Variants in PLXNA4 observed in about 807,000 individuals in gnomAD.
PLXNA4 encodes plexin-A4.
A neutral mutation model predicts 191.8 loss-of-function variants in PLXNA4; 44 were observed. The observed-to-expected ratio is 0.23, with a 90% confidence interval of 0.18 to 0.29. PLXNA4 has a LOEUF of 0.29. Among genes scored for constraint, PLXNA4 ranks in the 10% least tolerant of loss-of-function variants. The probability of loss-of-function intolerance (pLI) is 1.00; values close to 1 mark genes in which losing one functional copy is unlikely to be tolerated. For missense variants in PLXNA4, 1,800 were observed against 2,488.8 expected, an observed-to-expected ratio of 0.72 and a Z score of 5.89; for synonymous variants, 1,082 against 1,009.5, an observed-to-expected ratio of 1.07 and a Z score of -1.36.
At position 132,637,238 on chromosome 7, in the gene PLXNA4, C is replaced by G. The variant is rs188441784; in HGVS notation, c.-87+8690G>C. 1.4e-4 allele frequency among the ~76,000 whole-genome samples: 21 copies of G among 152,302 alleles called. 1 individual carries two copies. The East Asian group carries it at 3.3e-3, about 24-fold the overall frequency. Reference sequence around the variant, plus strand: ...CAATTTGTATGCACAATCCTTCCCCCTTTCCGTGGCTGTGAAAAGGATGAA... The same window carrying G: ...CAATTTGTATGCACAATCCTTCCCCGTTTCCGTGGCTGTGAAAAGGATGAA... On this transcript the variant is annotated intron_variant, in intron 2 of 4. Transcript: ENST00000378539.
intron 3 of PLXNA4, among the ~76,000 whole-genome samples, chr7:132,481,572 A>G (rs1460971415): frequency 6.6e-6 from 1 of 152,156 alleles, no homozygotes; most frequent in East Asian, 1.9e-4. Context: ...ATGTGAAAAC[A>G]TCTAGAACAA....
intron 3 of PLXNA4, among the ~76,000 whole-genome samples, chr7:132,355,825 A>G (rs1803680252): frequency 6.6e-6 from 1 of 152,100 alleles, no homozygotes; most frequent in African/African-American, 2.4e-5. Flanking sequence ...CCAACAGAGA[A>G]AAGTGTTTCC....
chr7:132,582,433 C>A (rs2116814250), intron 2 of PLXNA4, among the ~76,000 whole-genome samples: 1 of 152,280 alleles, frequency 6.6e-6, no homozygotes, highest in African/African-American at 2.4e-5. Flanking sequence ...GTATTCATGC[C>A]CTCATACAGT....
At chr7:132,629,857 C>CTT (rs34620006) in intron 2 of PLXNA4, among the ~76,000 whole-genome samples, 17,882 of 149,068 alleles carry the variant, frequency 0.12, 1,157 homozygotes, top group Non-Finnish European at 0.15. Flanking sequence ...TGTCTCTTCT[C>CTT]TTTTTTTTTT....
At chr7:132,645,743 A>G (rs1435849317) in intron 2 of PLXNA4, among the ~76,000 whole-genome samples, 1 of 152,174 alleles carries the variant, frequency 6.6e-6, no homozygotes, top group Non-Finnish European at 1.5e-5. Flanking sequence ...TCACAGACAC[A>G]AGTTGGGAAG....
At chr7:132,412,211 T>G (rs1794484397) in intron 3 of PLXNA4, among the ~76,000 whole-genome samples, 2 of 152,364 alleles carry the variant, frequency 1.3e-5, no homozygotes, top group Middle Eastern at 3.4e-3. Flanking sequence ...TTCAAAGCCC[T>G]GATAACTGTT....
At chr7:132,595,756 C>T (rs1802698896) in intron 2 of PLXNA4, among the ~76,000 whole-genome samples, 1 of 152,094 alleles carries the variant, frequency 6.6e-6, no homozygotes, top group Admixed American at 6.5e-5. Flanking sequence ...GACAAAGTTG[C>T]TTCAAATGTA....
chr7:132,466,127 G>A (rs76366361), intron 3 of PLXNA4, among the ~76,000 whole-genome samples: 7,074 of 152,220 alleles, frequency 0.046, 590 homozygotes, highest in African/African-American at 0.16. Flanking sequence ...GGCAGAAAGG[G>A]GTCATCTATC....
chr7:132,338,523 G>T (rs889041363), intron 3 of PLXNA4, among the ~76,000 whole-genome samples: 2 of 152,200 alleles, frequency 1.3e-5, no homozygotes, highest in Non-Finnish European at 2.9e-5. Flanking sequence ...AGGACAAATT[G>T]TCTCAAAAAT....
At chr7:132,210,434 T>C (rs1266357575) in intron 10 of PLXNA4, among the ~76,000 whole-genome samples, 1 of 152,220 alleles carries the variant, frequency 6.6e-6, no homozygotes, top group Middle Eastern at 3.2e-3. Flanking sequence ...AGCGCTCTCC[T>C]AGCCAGCTCC....
At chr7:132,354,800 G>A (rs574593470) in intron 3 of PLXNA4, among the ~76,000 whole-genome samples, 1 of 152,340 alleles carries the variant, frequency 6.6e-6, no homozygotes, top group South Asian at 2.1e-4. Context: ...TTTCACAAGG[G>A]CCCTTTGGGA....
chr7:132,563,377 TCTCCTCCTC>T (rs1270071164), intron 1 of PLXNA4, among the ~76,000 whole-genome samples: 1 of 23,464 alleles, frequency 4.3e-5, no homozygotes, highest in Non-Finnish European at 8.2e-5. Flanking sequence ...TCCTCCTCCT[TCTCCTCCTC>T]CTCCTCTTTC....
At chr7:132,238,270 T>C (rs1241026436) in intron 5 of PLXNA4, among the ~76,000 whole-genome samples, 1 of 152,166 alleles carries the variant, frequency 6.6e-6, no homozygotes, top group Non-Finnish European at 1.5e-5. Flanking sequence ...GATTTGTTGA[T>C]GAAAATGTGA....
chr7:132,244,480 A>G (rs950221860), intron 4 of PLXNA4, among the ~76,000 whole-genome samples: 2 of 152,188 alleles, frequency 1.3e-5, no homozygotes, highest in African/African-American at 4.8e-5. Flanking sequence ...TTATGATTTA[A>G]CCATTTTTTA....
chr7:132,422,822 T>C (rs1286126960), intron 3 of PLXNA4, among the ~76,000 whole-genome samples: 2 of 152,214 alleles, frequency 1.3e-5, no homozygotes, highest in Admixed American at 6.5e-5. Flanking sequence ...ATTACCCCAC[T>C]GGGCAGAGGA....
intron 3 of PLXNA4, among the ~76,000 whole-genome samples, chr7:132,307,645 C>A (rs1025885882): frequency 6.6e-6 from 1 of 152,024 alleles, no homozygotes; most frequent in African/African-American, 2.4e-5. Flanking sequence ...GCCCGCGTGG[C>A]CGGTAGGTGC....
At chr7:132,567,322 T>C (rs1165591293) in intron 1 of PLXNA4, among the ~76,000 whole-genome samples, 1 of 108,954 alleles carries the variant, frequency 9.2e-6, no homozygotes, top group Non-Finnish European at 1.7e-5. Flanking sequence ...AATCTATCAG[T>C]GCCAAAACCC....
intron 3 of PLXNA4, among the ~76,000 whole-genome samples, chr7:132,316,050 A>G (rs1801932302): frequency 6.6e-6 from 1 of 152,226 alleles, no homozygotes; most frequent in Non-Finnish European, 1.5e-5. Flanking sequence ...TCTGACTTTC[A>G]TAAACTGGAG....
At chr7:132,497,797 C>T (rs931311301) in intron 2 of PLXNA4, among the ~76,000 whole-genome samples, 1 of 152,158 alleles carries the variant, frequency 6.6e-6, no homozygotes, top group Non-Finnish European at 1.5e-5. Context: ...GTTGTGAGCA[C>T]AGGCCATGGA....
Sources: allele counts gnomAD v4.1 joint callset (sites outside exome capture counted in the v4.1 genomes callset), GRCh38; gene constraint gnomAD v4.1.1; transcripts MANE v1.5; gene names NCBI Gene and HGNC (gene_info 2026-07-23, HGNC 2026-07-21).